CD59: variants seen among roughly 807,000 people sequenced by gnomAD.
The protein encoded by CD59 is CD59 glycoprotein.
In CD59, 3 loss-of-function variants were observed where a neutral mutation model predicts 7.0. That is an observed-to-expected ratio of 0.43 (90% CI 0.19 to 1.10). The LOEUF is 1.10. Ranked by LOEUF, CD59 falls within the 50% of genes least tolerant of loss-of-function variation. The pLI, the probability that CD59 is intolerant of heterozygous loss-of-function variation, is 0.29. For synonymous variants in CD59, 60 were observed against 62.0 expected (o/e 0.97, Z 0.15); for missense variants, 143 against 151.0 (o/e 0.95, Z 0.28).
At position 33,703,688 on chromosome 11, in the gene CD59, G is replaced by T. The variant is rs1311453825; in HGVS notation, c.*6438C>A. 6.6e-6 allele frequency: 1 copy of T among 152,204 alleles called. No individual in the cohort carries two copies. The highest frequency in any genetic ancestry group is 1.9e-4 in the East Asian group (1 of 5,192). 9.4% of individuals were successfully genotyped at this position (152,204 alleles called of 1,614,324 possible). A position where few individuals can be genotyped will look rare whatever the true frequency, so the allele number is the denominator to read the frequency against. On this transcript the variant is annotated 3_prime_UTR_variant, in exon 4 of 4. Coordinates refer to ENST00000642928, the MANE Select transcript of CD59 (RefSeq NM_000611.6). ...AGAAAGTCACAGGCCTTGGCAGCAGGCAGAGAGCCTTTACTGTCATAGTGA... is the reference window on the plus strand; with the variant it reads ...AGAAAGTCACAGGCCTTGGCAGCAGTCAGAGAGCCTTTACTGTCATAGTGA...
rs1853367061 is a variant in CD59, at chr11:33,707,638, G to A, written c.*2488C>T. ...GAGCAGAGAGCCAGTAGGCATGACT[G>A]GTGTTCGATTCCTAACTCCCCTGCT... On this transcript the variant is annotated 3_prime_UTR_variant, in exon 4 of 4. Transcript: ENST00000642928. 1 of 152,240 alleles carries A rather than the reference G, an allele frequency of 6.6e-6. No homozygotes were observed. The highest frequency in any genetic ancestry group is 2.4e-5 in the African/African-American group (1 of 41,446). The allele number at this position is 152,240 out of a possible 1,614,324, so 9.4% of individuals were successfully genotyped here. A position where few individuals can be genotyped will look rare whatever the true frequency, so the allele number is the denominator to read the frequency against.
rs1391697169 is a variant in CD59 at position 33,708,336 on chromosome 11, G to T, written c.*1790C>A. ...GACTACCTTCTTCCCAGTGTAGTCTGGCCAAAAAGTGGGTACATGACACAA... is the reference window on the plus strand; with the variant it reads ...GACTACCTTCTTCCCAGTGTAGTCTTGCCAAAAAGTGGGTACATGACACAA... On this transcript the variant is annotated 3_prime_UTR_variant, in exon 4 of 4. Coordinates refer to ENST00000642928, the MANE Select transcript of CD59 (RefSeq NM_000611.6). 1 of 151,916 alleles carries T rather than the reference G, an allele frequency of 6.6e-6. No individual in the cohort carries two copies. Among genetic ancestry groups the T allele is most frequent in the Non-Finnish European group, 1.5e-5 (1 of 67,974 alleles). The allele number at this position is 151,916 out of a possible 1,614,324, so 9.4% of individuals were successfully genotyped here. A position where few individuals can be genotyped will look rare whatever the true frequency, so the allele number is the denominator to read the frequency against.
Position 33,708,600 on chromosome 11 carries a change from C to CA in CD59, c.*1525dup, listed in dbSNP as rs560607574. ...GGGCATGGTCAGTACTTCCTCAGGC[C>CA]AAAAAAAAAAAAAAAAACCTATTGA... On this transcript the variant is annotated 3_prime_UTR_variant, in exon 4 of 4. Transcript: ENST00000642928. The CA allele has an allele frequency of 0.11, 8,810 of 78,374 alleles. 372 individuals carry two copies. Among genetic ancestry groups the CA allele is most frequent in the African/African-American group, 0.2 (4,604 of 22,870 alleles). 4.9% of individuals were successfully genotyped at this position (78,374 alleles called of 1,614,324 possible).
intron 1 of CD59, among the ~76,000 whole-genome samples, chr11:33,730,538 A>C (rs1225422939): frequency 6.6e-6 from 1 of 152,362 alleles, no homozygotes; most frequent in African/African-American, 2.4e-5. Context: ...CAACTATAGT[A>C]TATACTGTTA....
chr11:33,734,437 GC>G (rs1176535894), intron 1 of CD59, among the ~76,000 whole-genome samples: 3 of 152,194 alleles, frequency 2.0e-5, no homozygotes, highest in Non-Finnish European at 2.9e-5. Flanking sequence ...AGCCCAGCAT[GC>G]ATTAGCTGTT....
chr11:33,724,000 T>C (rs1298156702), intron 1 of CD59, among the ~76,000 whole-genome samples: 2 of 152,120 alleles, frequency 1.3e-5, no homozygotes, highest in East Asian at 3.8e-4. Flanking sequence ...TCCCAGCTAC[T>C]TGGGAGGCTG....
intron 1 of CD59, among the ~76,000 whole-genome samples, chr11:33,726,114 CA>C: frequency 6.6e-6 from 1 of 152,264 alleles, no homozygotes; most frequent in Non-Finnish European, 1.5e-5. Context: ...CAATATTAGA[CA>C]GATCAAAAGA....
chr11:33,710,440 G>C, intron 3 of CD59, 97 bp from the exon 4 acceptor site: 1 of 980,780 alleles, frequency 1.0e-6, no homozygotes. Context: ...TCCTGTGCAA[G>C]TAGAGACTTC....
At chr11:33,713,336 C>T (rs909534781) in intron 3 of CD59, among the ~76,000 whole-genome samples, 4 of 152,162 alleles carry the variant, frequency 2.6e-5, no homozygotes, top group African/African-American at 7.2e-5. Context: ...AAGAAAAAAA[C>T]GCAGATGCAT....
chr11:33,723,144 C>A (rs1034302263), intron 1 of CD59: 4 of 158,724 alleles, frequency 2.5e-5, no homozygotes, highest in African/African-American at 9.6e-5. Context: ...TGCCTAAGTA[C>A]AAAGCATCCA....
In CD59 at chr11:33,717,346, G is replaced by A. The variant is rs1207644195; in HGVS notation, c.169+24C>T. The A allele has an allele frequency of 5.4e-6, 8 of 1,475,640 alleles. No individual in the cohort carries two copies. The South Asian group carries it at 6.8e-5, about 13-fold the overall frequency. The allele number at this position is 1,475,640 out of a possible 1,614,324, so 91.4% of individuals were successfully genotyped here. Reference sequence around the variant, plus strand: ...GCACTTATTACCCCATTACATTTAGGAGACAGACAGGGGAGGCTCTTACCA... The same window carrying A: ...GCACTTATTACCCCATTACATTTAGAAGACAGACAGGGGAGGCTCTTACCA... On this transcript the variant is annotated intron_variant, in intron 3 of 3. Transcript: ENST00000642928.
chr11:33,724,852 G>C (rs1432849701), intron 1 of CD59, among the ~76,000 whole-genome samples: 1 of 152,170 alleles, frequency 6.6e-6, no homozygotes, highest in South Asian at 2.1e-4. Flanking sequence ...AGCAGAGAAA[G>C]GAAGTAGCTA....
chr11:33,726,458 A>G (rs1250867633), intron 1 of CD59, among the ~76,000 whole-genome samples: 1 of 152,242 alleles, frequency 6.6e-6, no homozygotes. Context: ...AGGCAGACAT[A>G]AAGATGTTCT....
rs770948382 is a variant in CD59, at chr11:33,710,277, A to T, written c.236T>A (p.Leu79Ter). 8 of 1,614,070 alleles carry T rather than the reference A, an allele frequency of 5.0e-6. No homozygotes were observed. ...HCNFNDVTTR[L>*]RENELTYYCC... ...GTAGTACGTTAGCTCATTTTCCCTC[A>T]AGCGGGTTGTGACGTCGTTGAAATT... Residue 79 changes from leucine to a stop codon, truncating the protein, a stop_gained, in exon 4 of 4, where the codon TTG becomes TAG. Transcript: ENST00000642928. LOFTEE classifies it low-confidence loss of function (END_TRUNC).
intron 1 of CD59, among the ~76,000 whole-genome samples, chr11:33,723,575 G>A (rs1257793713): frequency 6.6e-6 from 1 of 152,232 alleles, no homozygotes; most frequent in African/African-American, 2.4e-5. Flanking sequence ...GAGGAACCAG[G>A]AAGAAAGACA....
At chr11:33,728,969 C>A (rs911614541) in intron 1 of CD59, among the ~76,000 whole-genome samples, 3 of 152,152 alleles carry the variant, frequency 2.0e-5, no homozygotes, top group Admixed American at 6.5e-5. Flanking sequence ...CAATGAGATA[C>A]CATCTCACAC....
chr11:33,723,022 G>A (rs1366542178), intron 1 of CD59: 16 of 975,506 alleles, frequency 1.6e-5, no homozygotes, highest in South Asian at 4.2e-5. Context: ...TTTCCATTAC[G>A]TGAATGCCTA....
In CD59 at chr11:33,710,112, C is replaced by T. The variant is rs561306801; in HGVS notation, c.*14G>A. 4.3e-4 allele frequency: 687 copies of T among 1,597,588 alleles called. 9 individuals carry two copies. In the South Asian group the frequency reaches 6.9e-3, roughly 16 times the overall value. ...AGGAACGGGGAGTTTGGGAGAAGCT[C>T]TCCTGGTGTTGACTTAGGGATGAAG... On this transcript the variant is annotated 3_prime_UTR_variant, in exon 4 of 4. Coordinates refer to ENST00000642928, the MANE Select transcript of CD59 (RefSeq NM_000611.6).
intron 2 of CD59, chr11:33,717,890 G>C (rs574000441): frequency 1.3e-5 from 3 of 235,130 alleles, no homozygotes; most frequent in African/African-American, 4.5e-5. Context: ...CTATCTGCGT[G>C]AAAATACATT....
Sources: allele counts gnomAD v4.1 joint callset (sites outside exome capture counted in the v4.1 genomes callset), GRCh38; gene constraint gnomAD v4.1.1; transcripts MANE v1.5; gene names NCBI Gene and HGNC (gene_info 2026-07-23, HGNC 2026-07-21).